CIDEA: variants seen among roughly 807,000 people sequenced by gnomAD.
CIDEA encodes the protein cell death inducing DFFA like effector a.
Under a neutral mutation model 18.2 loss-of-function variants are expected in CIDEA, and 10 were observed. That is an observed-to-expected ratio of 0.55 (90% CI 0.34 to 0.93). The LOEUF is 0.93. Among genes scored for constraint, CIDEA ranks in the 40% least tolerant of loss-of-function variants. CIDEA has a pLI of 0.02. For missense variants in CIDEA, 309 were observed against 293.1 expected (o/e 1.05, Z -0.40); for synonymous variants, 128 against 124.8 (o/e 1.03, Z -0.17).
At chr18:12,254,510 G>A in intron 1 of CIDEA, 89 bp downstream of exon 1, 3 of 1,544,448 alleles carry the variant, frequency 1.9e-6, no homozygotes, top group African/African-American at 1.4e-5. Flanking sequence ...CTCTAGTACC[G>A]TACCCCGCTC....
At chr18:12,256,315 T>C (rs1912033117) in intron 1 of CIDEA, among the ~76,000 whole-genome samples, 1 of 152,236 alleles carries the variant, frequency 6.6e-6, no homozygotes, top group African/African-American at 2.4e-5. Flanking sequence ...CAGGATGTCA[T>C]AATTCTGTCT....
chr18:12,264,777 T>C (rs1249088705), intron 3 of CIDEA, among the ~76,000 whole-genome samples: 2 of 151,994 alleles, frequency 1.3e-5, no homozygotes, highest in East Asian at 3.8e-4. Flanking sequence ...ATGGTCTCGA[T>C]CTCCTGACCT....
At chr18:12,275,532 C>A (rs561733175) in intron 4 of CIDEA, among the ~76,000 whole-genome samples, 3 of 152,124 alleles carry the variant, frequency 2.0e-5, no homozygotes, top group Non-Finnish European at 4.4e-5. Context: ...GTCTTCAAGT[C>A]GAAAAGTTTT....
In CIDEA at chr18:12,277,418, G is replaced by C. The variant is rs1905381783; in HGVS notation, c.*148G>C. On this transcript the variant is annotated 3_prime_UTR_variant, in exon 5 of 5. Coordinates refer to ENST00000320477, the MANE Select transcript of CIDEA (RefSeq NM_001279.4). ...AGGAGTGGTGCCCAGAAAAGGAAAG[G>C]GCTTGGTGGTACATGAAGTGGGGGC... 9.8e-6 allele frequency: 9 copies of C among 914,180 alleles called. No homozygotes were observed. Among genetic ancestry groups the C allele is most frequent in the South Asian group, 3.4e-5 (2 of 59,444 alleles). 56.6% of individuals were successfully genotyped at this position (914,180 alleles called of 1,614,324 possible).
intron 1 of CIDEA, among the ~76,000 whole-genome samples, chr18:12,257,283 G>C (rs1912064148): frequency 6.6e-6 from 1 of 152,048 alleles, no homozygotes; most frequent in South Asian, 2.1e-4. Context: ...CTAATGATGA[G>C]ATGCAGAGTT....
Position 12,254,674 on chromosome 18 carries a change from AC to A in CIDEA, c.38+255del, listed in dbSNP as rs763981446. On this transcript the variant is annotated intron_variant, in intron 1 of 4. Transcript: ENST00000320477. ...CACCCTCTTGCAGCTGGGCACAGGT[AC>A]CAGGTGTGGCTCTTGCGAGGTGCGC... The A allele has an allele frequency of 1.3e-4, 199 of 1,522,878 alleles. No individual in the cohort carries two copies. The Admixed American group carries it at 3.9e-3, about 30-fold the overall frequency. The allele number at this position is 1,522,878 out of a possible 1,614,324, so 94.3% of individuals were successfully genotyped here.
Position 12,274,294 on chromosome 18 carries a change from A to G in CIDEA, c.512+20A>G. ...GCTGAGGTAACACACTCCAGGGGTCACCTCCGGGGGTCTGCAGACTGCACA... is the reference window on the plus strand; with the variant it reads ...GCTGAGGTAACACACTCCAGGGGTCGCCTCCGGGGGTCTGCAGACTGCACA... On this transcript the variant is annotated intron_variant, in intron 4 of 4. Transcript: ENST00000320477. The G allele has an allele frequency of 1.2e-6, 2 of 1,612,860 alleles. No homozygotes were observed. Among genetic ancestry groups the G allele is most frequent in the Non-Finnish European group, 8.5e-7 (1 of 1,179,248 alleles).
intron 1 of CIDEA, among the ~76,000 whole-genome samples, chr18:12,257,823 G>A (rs62097486): frequency 0.17 from 25,928 of 152,158 alleles, 2,663 homozygotes; most frequent in Non-Finnish European, 0.23. Flanking sequence ...TCCTAGGGCC[G>A]CTCAGTGGCC....
chr18:12,255,292 C>T (rs911440778), intron 1 of CIDEA, among the ~76,000 whole-genome samples: 1 of 152,164 alleles, frequency 6.6e-6, no homozygotes, highest in African/African-American at 2.4e-5. Context: ...AGGCGTTCAG[C>T]GGCGCCGGGT....
chr18:12,263,019 T>C (rs1022947552), intron 2 of CIDEA, 50 bp downstream of exon 2: 2 of 1,587,772 alleles, frequency 1.3e-6, no homozygotes, highest in Admixed American at 1.7e-5. Flanking sequence ...TGCCCTGCAC[T>C]CACACAGGGC....
intron 1 of CIDEA, among the ~76,000 whole-genome samples, chr18:12,262,076 AG>A (rs1280918680): frequency 6.6e-6 from 1 of 152,080 alleles, no homozygotes; most frequent in African/African-American, 2.4e-5. Context: ...CTGAGGCAGG[AG>A]GATCGCTTGA....
intron 3 of CIDEA, 117 bp from the exon 4 acceptor site, chr18:12,273,976 C>A: frequency 9.3e-7 from 1 of 1,069,984 alleles, no homozygotes; most frequent in Non-Finnish European, 1.3e-6. Context: ...AGCCACGGAG[C>A]CGCTCACAGA....
intron 3 of CIDEA, among the ~76,000 whole-genome samples, chr18:12,269,070 A>G (rs113191413): frequency 8.3e-4 from 127 of 152,268 alleles, no homozygotes; most frequent in African/African-American, 2.9e-3. Flanking sequence ...TGCCTGCCTC[A>G]GCTTCCCAAA....
chr18:12,258,133 C>A (rs567008672), intron 1 of CIDEA, among the ~76,000 whole-genome samples: 1 of 152,292 alleles, frequency 6.6e-6, no homozygotes, highest in Admixed American at 6.5e-5. Flanking sequence ...CCAGCAGTGA[C>A]GCAGCTCTTG....
chr18:12,258,202 G>C (rs1173122960), intron 1 of CIDEA, among the ~76,000 whole-genome samples: 1 of 152,212 alleles, frequency 6.6e-6, no homozygotes, highest in Non-Finnish European at 1.5e-5. Context: ...TGGCAATCTT[G>C]AGGGCAGGTG....
At chr18:12,274,358 G>A in intron 4 of CIDEA, 84 bp downstream of exon 4, 1 of 1,362,800 alleles carries the variant, frequency 7.3e-7, no homozygotes, top group South Asian at 1.3e-5. Flanking sequence ...CTGTTCCTCT[G>A]GGCTCCCAGG....
chr18:12,261,716 G>A (rs1912197266), intron 1 of CIDEA, among the ~76,000 whole-genome samples: 1 of 151,966 alleles, frequency 6.6e-6, no homozygotes, highest in Non-Finnish European at 1.5e-5. Flanking sequence ...TGAGAGTATA[G>A]CTGCACCACC....
At chr18:12,259,541 G>C (rs1417158481) in intron 1 of CIDEA, among the ~76,000 whole-genome samples, 1 of 152,164 alleles carries the variant, frequency 6.6e-6, no homozygotes, top group Non-Finnish European at 1.5e-5. Flanking sequence ...TCCTTGCAAG[G>C]TTGTGAGGAT....
At chr18:12,260,587 T>C (rs1912163711) in intron 1 of CIDEA, among the ~76,000 whole-genome samples, 1 of 152,212 alleles carries the variant, frequency 6.6e-6, no homozygotes, top group Non-Finnish European at 1.5e-5. Context: ...ATCTAAAATG[T>C]ATGTGCCTAC....
Sources: gnomAD v4.1 joint callset for allele counts (sites outside exome capture counted in the v4.1 genomes callset) on GRCh38, gnomAD v4.1.1 for gene constraint, MANE v1.5 for transcripts, NCBI Gene and HGNC (gene_info 2026-07-23, HGNC 2026-07-21) for gene names.